TEAD1: variants seen among roughly 807,000 people sequenced by gnomAD.
TEAD1 encodes the protein transcriptional enhancer factor TEF-1.
Under a neutral mutation model 54.9 loss-of-function variants are expected in TEAD1, and 9 were observed. That is an observed-to-expected ratio of 0.16 (90% CI 0.10 to 0.29). The LOEUF (loss-of-function observed/expected upper bound fraction) is 0.29, where lower values mean the gene tolerates loss of function less well. Ranked by LOEUF, TEAD1 falls within the 10% of genes least tolerant of loss-of-function variation. TEAD1 has a pLI of 1.00. For missense variants in TEAD1, 387 were observed against 535.9 expected (o/e 0.72, Z 2.74); for synonymous variants, 200 against 187.8 (o/e 1.07, Z -0.53).
intron 9 of TEAD1, among the ~76,000 whole-genome samples, chr11:12,897,252 C>T (rs1409750533): frequency 1.3e-5 from 2 of 152,088 alleles, no homozygotes; most frequent in South Asian, 2.1e-4. Context: ...GGAGAAGAAA[C>T]GAGATTTATT....
At chr11:12,819,499 G>T (rs1318832307) in intron 3 of TEAD1, among the ~76,000 whole-genome samples, 4 of 152,086 alleles carry the variant, frequency 2.6e-5, no homozygotes, top group African/African-American at 9.7e-5. Context: ...ACCCAGGCTG[G>T]AGTGTAGTGG....
In TEAD1 at chr11:12,764,635, C is replaced by T. The variant is rs559422986; in HGVS notation, c.202+201C>T. Among the ~76,000 whole-genome samples, 9 of 151,982 alleles carry T rather than the reference C, an allele frequency of 5.9e-5. No individual in the cohort carries two copies. The East Asian group carries it at 1.7e-3, about 29-fold the overall frequency. On this transcript the variant is annotated intron_variant, in intron 3 of 12. Coordinates refer to ENST00000527636, the MANE Select transcript of TEAD1 (RefSeq NM_021961.6). The stretch of plus-strand genomic sequence containing the variant: ...GACCTTTGGGAAAAAGAAAAGGACC[C>T]CTGGGCTTTTCTTCTTCTACATGTG...
chr11:12,870,077 A>G lies in TEAD1; in HGVS notation c.330+5177A>G, dbSNP rs561764459. ...GTATTTTTAATAGAGACGGGGTTTCACCATGTTGGCCAGGCTGGTCTCGAA... is the reference window on the plus strand; with the variant it reads ...GTATTTTTAATAGAGACGGGGTTTCGCCATGTTGGCCAGGCTGGTCTCGAA... On this transcript the variant is annotated intron_variant, in intron 5 of 12. Coordinates refer to ENST00000527636, the MANE Select transcript of TEAD1 (RefSeq NM_021961.6). 1.6e-3 allele frequency among the ~76,000 whole-genome samples: 240 copies of G among 151,980 alleles called. 1 individual carries two copies. The highest frequency in any genetic ancestry group is 5.3e-3 in the African/African-American group (219 of 41,454).
At chr11:12,893,657 C>G (rs146393060) in intron 9 of TEAD1, among the ~76,000 whole-genome samples, 1 of 152,134 alleles carries the variant, frequency 6.6e-6, no homozygotes, top group African/African-American at 2.4e-5. Flanking sequence ...TCTGAGGAAG[C>G]AGCAGCCCCT....
chr11:12,748,591 G>A (rs1037387514), intron 2 of TEAD1, among the ~76,000 whole-genome samples: 17 of 152,144 alleles, frequency 1.1e-4, no homozygotes, highest in African/African-American at 3.6e-4. Flanking sequence ...TTCTGACTGC[G>A]GGATAGTGTA....
At chr11:12,885,124 G>A (rs2403651) in intron 9 of TEAD1, among the ~76,000 whole-genome samples, 152,173 of 152,330 alleles carry the variant, frequency 1, 76,008 homozygotes, top group Middle Eastern at 1. Context: ...GACATACTAA[G>A]TGACTTAAGA....
chr11:12,814,950 T>G (rs917063890), intron 3 of TEAD1, among the ~76,000 whole-genome samples: 1 of 152,130 alleles, frequency 6.6e-6, no homozygotes, highest in African/African-American at 2.4e-5. Flanking sequence ...CATATGCGTT[T>G]TTCTTTCATT....
At chr11:12,822,023 G>A (rs1323613009) in intron 3 of TEAD1, among the ~76,000 whole-genome samples, 8 of 130,426 alleles carry the variant, frequency 6.1e-5, no homozygotes, top group African/African-American at 2.4e-4. Context: ...GAGTGCAGTG[G>A]CGCGATCTCC....
chr11:12,870,292 G>T (rs1947716388), intron 5 of TEAD1, among the ~76,000 whole-genome samples: 1 of 152,140 alleles, frequency 6.6e-6, no homozygotes. Flanking sequence ...ACAATTTGGT[G>T]ACCTTGGATA....
chr11:12,907,068 T>A (rs1345615846), intron 10 of TEAD1, among the ~76,000 whole-genome samples: 2 of 152,222 alleles, frequency 1.3e-5, no homozygotes, highest in Non-Finnish European at 2.9e-5. Flanking sequence ...CATTTTAAGA[T>A]ACTGCTAAAC....
chr11:12,790,248 C>A (rs1426214839), intron 3 of TEAD1, among the ~76,000 whole-genome samples: 1 of 152,252 alleles, frequency 6.6e-6, no homozygotes, highest in Non-Finnish European at 1.5e-5. Flanking sequence ...TTTGTTTTCT[C>A]CCAGCCTGAT....
chr11:12,779,778 G>A (rs937582928), intron 3 of TEAD1, among the ~76,000 whole-genome samples: 6 of 152,132 alleles, frequency 3.9e-5, no homozygotes, highest in African/African-American at 1.4e-4. Context: ...TTTAACATCT[G>A]AAAATCAATT....
intron 10 of TEAD1, chr11:12,904,794 G>C (rs982274576): frequency 3.6e-6 from 1 of 281,584 alleles, no homozygotes; most frequent in African/African-American, 2.3e-5. Context: ...AAAGGTCTTT[G>C]AGGTCCTCAA....
At chr11:12,841,954 C>G (rs529327579) in intron 3 of TEAD1, among the ~76,000 whole-genome samples, 65 of 152,230 alleles carry the variant, frequency 4.3e-4, no homozygotes, top group African/African-American at 1.5e-3. Flanking sequence ...GTGACCTCTC[C>G]TATAAACCTC....
intron 2 of TEAD1, among the ~76,000 whole-genome samples, chr11:12,713,235 G>T (rs2133854613): frequency 6.6e-6 from 1 of 152,228 alleles, no homozygotes; most frequent in South Asian, 2.1e-4. Context: ...GCCCAGGATA[G>T]TCTCAAACAC....
At chr11:12,796,877 C>T (rs1162641318) in intron 3 of TEAD1, among the ~76,000 whole-genome samples, 2 of 151,954 alleles carry the variant, frequency 1.3e-5, no homozygotes, top group African/African-American at 4.8e-5. Context: ...TTTGGGAGGC[C>T]GAGGTGGGCG....
rs986600230 is a variant in TEAD1 at position 12,901,842 on chromosome 11, G to T, written c.700-98G>T. 6 of 1,493,240 alleles carry T rather than the reference G, an allele frequency of 4.0e-6. No individual in the cohort carries two copies. In the East Asian group the frequency reaches 1.4e-4, roughly 34 times the overall value. The allele number at this position is 1,493,240 out of a possible 1,614,324, so 92.5% of individuals were successfully genotyped here. ...TCCTGGACTGGAAGGCCTAATTCCA[G>T]AATTTTGGTACTACTGCTCTTTATC... On this transcript the variant is annotated intron_variant, in intron 9 of 12. Transcript: ENST00000527636.
chr11:12,749,006 G>T (rs904576040), intron 2 of TEAD1, among the ~76,000 whole-genome samples: 1 of 152,182 alleles, frequency 6.6e-6, no homozygotes, highest in Non-Finnish European at 1.5e-5. Flanking sequence ...AGAGGAGGCG[G>T]TGGGATTCTC....
intron 10 of TEAD1, among the ~76,000 whole-genome samples, chr11:12,915,663 C>T (rs758615089): frequency 3.3e-5 from 5 of 152,222 alleles, no homozygotes; most frequent in Non-Finnish European, 7.3e-5. Flanking sequence ...ACCTGGCCAA[C>T]ATAGTGAAAC....
Sources: gnomAD v4.1 joint callset for allele counts (sites outside exome capture counted in the v4.1 genomes callset) on GRCh38, gnomAD v4.1.1 for gene constraint, MANE v1.5 for transcripts, NCBI Gene and HGNC (gene_info 2026-07-23, HGNC 2026-07-21) for gene names.